Variants in MAML3 observed in about 807,000 individuals in gnomAD.
The protein encoded by MAML3 is mastermind-like protein 3.
A neutral mutation model predicts 101.9 loss-of-function variants in MAML3; 27 were observed. The ratio of observed to expected loss-of-function variants is 0.27; its 90% CI spans 0.20 to 0.37. The LOEUF (loss-of-function observed/expected upper bound fraction) is 0.37, where lower values mean the gene tolerates loss of function less well. Ranked by LOEUF, MAML3 falls within the 10% of genes least tolerant of loss-of-function variation. The pLI, the probability that MAML3 is intolerant of heterozygous loss-of-function variation, is 1.00. For missense variants in MAML3, 1,316 were observed against 1,444.9 expected (o/e 0.91, Z 1.45); for synonymous variants, 501 against 555.9 (o/e 0.90, Z 1.39).
intron 2 of MAML3, among the ~76,000 whole-genome samples, chr4:139,777,838 ATCTTACCCACCCTTC>A (rs1239467717): frequency 6.6e-6 from 1 of 152,116 alleles, no homozygotes; most frequent in Non-Finnish European, 1.5e-5. Context: ...CTGAACCCTT[ATCTTACCCACCCTTC>A]TCTCCCTGCT....
intron 2 of MAML3, among the ~76,000 whole-genome samples, chr4:139,879,983 G>T (rs1394148049): frequency 6.6e-6 from 1 of 152,024 alleles, no homozygotes; most frequent in African/African-American, 2.4e-5. Flanking sequence ...GACCAGCCTG[G>T]GCAACACAGT....
chr4:139,973,678 TACC>T (rs1270048513), intron 1 of MAML3, among the ~76,000 whole-genome samples: 15 of 152,164 alleles, frequency 9.9e-5, no homozygotes, highest in Non-Finnish European at 1.8e-4. Context: ...CATCTGTGAA[TACC>T]ACAAGTTCAC....
chr4:140,153,298 G>C lies in MAML3; in HGVS notation c.30C>G (p.Ala10=), dbSNP rs1373872785. Residue 10 remains alanine (A), a synonymous_variant, in exon 1 of 5, where the codon GCC becomes GCG. Transcript: ENST00000509479. ...TGATGCAAATACTACTGCCATTCGCGGCAGCAGCGGGGGCTGCGAAATCCC... is the reference window on the plus strand; with the variant it reads ...TGATGCAAATACTACTGCCATTCGCCGCAGCAGCGGGGGCTGCGAAATCCC... MGDFAAPAA[A]ANGSSICINS... 2 of 1,598,556 alleles carry C rather than the reference G, an allele frequency of 1.3e-6. No homozygotes were observed. Among genetic ancestry groups the C allele is most frequent in the Non-Finnish European group, 1.7e-6 (2 of 1,171,390 alleles).
At chr4:139,864,381 A>C (rs1006293293) in intron 2 of MAML3, among the ~76,000 whole-genome samples, 1 of 152,192 alleles carries the variant, frequency 6.6e-6, no homozygotes, top group African/African-American at 2.4e-5. Flanking sequence ...CTTGTGATGA[A>C]TAAAAATCTT....
intron 1 of MAML3, among the ~76,000 whole-genome samples, chr4:140,022,821 A>T (rs972640312): frequency 1.8e-4 from 28 of 152,182 alleles, no homozygotes; most frequent in African/African-American, 6.8e-4. Context: ...AACTCAATAG[A>T]AGAATGTATA....
At chr4:140,105,058 C>T (rs995641433) in intron 1 of MAML3, among the ~76,000 whole-genome samples, 1 of 152,014 alleles carries the variant, frequency 6.6e-6, no homozygotes, top group African/African-American at 2.4e-5. Flanking sequence ...CACCAGAATC[C>T]CCTGCTTAAC....
rs529851700 is a variant in MAML3, at chr4:139,744,051, T to C, written c.2080-13384A>G. Among the ~76,000 whole-genome samples, 7 of 152,358 alleles carry C rather than the reference T, an allele frequency of 4.6e-5. No individual in the cohort carries two copies. In the South Asian group the frequency reaches 1.2e-3, roughly 27 times the overall value. On this transcript the variant is annotated intron_variant, in intron 2 of 4. Coordinates refer to ENST00000509479, the MANE Select transcript of MAML3 (RefSeq NM_018717.5). The stretch of plus-strand genomic sequence containing the variant: ...ACTCTTAGTACCTCTCAGAGGTTTC[T>C]TGGGGACACAGCCCAAATATATCCT...
chr4:140,044,552 A>T (rs1727149219), intron 1 of MAML3, among the ~76,000 whole-genome samples: 1 of 152,190 alleles, frequency 6.6e-6, no homozygotes, highest in African/African-American at 2.4e-5. Flanking sequence ...TCACTATCTC[A>T]GCAAATTTAG....
At chr4:140,082,966 G>C (rs192354365) in intron 1 of MAML3, among the ~76,000 whole-genome samples, 6 of 152,222 alleles carry the variant, frequency 3.9e-5, no homozygotes, top group Admixed American at 3.9e-4. Flanking sequence ...AACTCTAACC[G>C]CTCAGGGTGT....
At chr4:139,911,132 A>C (rs1427531596) in intron 1 of MAML3, among the ~76,000 whole-genome samples, 1 of 152,186 alleles carries the variant, frequency 6.6e-6, no homozygotes, top group Admixed American at 6.5e-5. Flanking sequence ...ACATAAGTGG[A>C]ATCATACGAT....
chr4:139,730,511 G>T lies in MAML3; in HGVS notation c.2236C>A (p.Gln746Lys). 6.4e-7 allele frequency: 1 copy of T among 1,558,886 alleles called. No homozygotes were observed. The highest frequency in any genetic ancestry group is 8.7e-7 in the Non-Finnish European group (1 of 1,151,350). ...TGCTGCTCTATCAACTGGGCCCGCT[G>T]ATCAATGAGCATCTGCTTCATGATG... Reference protein sequence around the residue: ...AAIMKQMLIDQRAQLIEQQKQ... With the variant: ...AAIMKQMLIDKRAQLIEQQKQ... The change falls in exon 3 of 5, where the codon CAG becomes AAG. Residue 746 changes from glutamine to lysine, a missense_variant. Gln to Lys is a moderately conservative substitution (Grantham distance 53). Transcript: ENST00000509479.
At chr4:139,738,175 G>T (rs1481824361) in intron 2 of MAML3, among the ~76,000 whole-genome samples, 1 of 152,246 alleles carries the variant, frequency 6.6e-6, no homozygotes, top group Non-Finnish European at 1.5e-5. Context: ...TGATCATGCA[G>T]GGCATCCTTC....
At chr4:140,055,306 T>TCAAC (rs1228123959) in intron 1 of MAML3, among the ~76,000 whole-genome samples, 4 of 152,244 alleles carry the variant, frequency 2.6e-5, no homozygotes, top group Non-Finnish European at 5.9e-5. Context: ...ATTAATTAGT[T>TCAAC]TGTTTTAAGC....
At chr4:140,044,747 G>A (rs752432452) in intron 1 of MAML3, among the ~76,000 whole-genome samples, 3 of 152,144 alleles carry the variant, frequency 2.0e-5, no homozygotes. Flanking sequence ...GTGAACTGAC[G>A]TCAAACTGTC....
At chr4:140,058,699 C>T (rs1727395279) in intron 1 of MAML3, among the ~76,000 whole-genome samples, 1 of 151,938 alleles carries the variant, frequency 6.6e-6, no homozygotes, top group Non-Finnish European at 1.5e-5. Context: ...CTGGTATTCC[C>T]ATTATTTTAA....
At chr4:139,962,212 G>A (rs1578618538) in intron 1 of MAML3, among the ~76,000 whole-genome samples, 3 of 152,116 alleles carry the variant, frequency 2.0e-5, no homozygotes, top group Non-Finnish European at 4.4e-5. Flanking sequence ...TGTCCAGAGA[G>A]TTAATAAATC....
At chr4:140,059,061 T>A (rs537572426) in intron 1 of MAML3, among the ~76,000 whole-genome samples, 7 of 152,296 alleles carry the variant, frequency 4.6e-5, no homozygotes, top group African/African-American at 1.7e-4. Context: ...CTAGATTATT[T>A]AAATGCAGAG....
At chr4:139,915,336 T>A (rs1733005756) in intron 1 of MAML3, among the ~76,000 whole-genome samples, 1 of 152,230 alleles carries the variant, frequency 6.6e-6, no homozygotes, top group Admixed American at 6.5e-5. Flanking sequence ...TTATCCAAGT[T>A]AATTTCCTTC....
chr4:140,037,617 C>T (rs908252645), intron 1 of MAML3, among the ~76,000 whole-genome samples: 5 of 152,192 alleles, frequency 3.3e-5, no homozygotes, highest in Admixed American at 1.3e-4. Flanking sequence ...AACAAACGCA[C>T]GTCTTCATTC....
Sources: gnomAD v4.1 joint callset for allele counts (sites outside exome capture counted in the v4.1 genomes callset) on GRCh38, gnomAD v4.1.1 for gene constraint, MANE v1.5 for transcripts, NCBI Gene and HGNC (gene_info 2026-07-23, HGNC 2026-07-21) for gene names.